The following AOPEP variants were observed in gnomAD, a reference collection of about 807,000 sequenced individuals.
AOPEP encodes the protein aminopeptidase O (putative).
Under a neutral mutation model 98.1 loss-of-function variants are expected in AOPEP, and 77 were observed. The observed-to-expected ratio is 0.78, with a 90% CI of 0.65 to 0.95. The LOEUF (loss-of-function observed/expected upper bound fraction) is 0.95. Among genes scored for constraint, AOPEP ranks in the 40% least tolerant of loss-of-function variants. The pLI is 0.00. For missense variants in AOPEP, 1,024 were observed against 1,024.7 expected (o/e 1.00, Z 0.01); for synonymous variants, 346 against 365.3 (o/e 0.95, Z 0.60).
intron 13 of AOPEP, among the ~76,000 whole-genome samples, chr9:95,035,776 C>T (rs1451530053): frequency 1.3e-5 from 2 of 152,036 alleles, no homozygotes; most frequent in African/African-American, 4.8e-5. Context: ...CCGCCTCAGC[C>T]TCCCAAAGTG....
At chr9:94,952,975 A>T (rs1219090458) in intron 7 of AOPEP, among the ~76,000 whole-genome samples, 2 of 152,232 alleles carry the variant, frequency 1.3e-5, no homozygotes, top group African/African-American at 4.8e-5. Context: ...GGAACCTGGA[A>T]GCCAGCCTTC....
Position 94,760,246 on chromosome 9 carries a change from A to C in AOPEP, c.463A>C (p.Lys155Gln), listed in dbSNP as rs1336746094. ...GGACTGCTGTGATTTATCTGTGTTA[A>C]AAGTCGAGGAGGTGGATGTTGCTGC... ...VLDCCDLSVL[K>Q]VEEVDVAAVP... The change falls in exon 2 of 17, where the codon AAA (lysine) becomes CAA (glutamine). Residue 155 changes from lysine to glutamine, a missense_variant. Coordinates refer to ENST00000375315, the MANE Select transcript of AOPEP (RefSeq NM_001193329.3). The C allele has an allele frequency of 6.2e-7, 1 of 1,614,136 alleles. No homozygotes were observed. Among genetic ancestry groups the C allele is most frequent in the South Asian group, 1.1e-5 (1 of 91,078 alleles).
intron 11 of AOPEP, among the ~76,000 whole-genome samples, chr9:94,988,209 A>G (rs993325328): frequency 2.0e-5 from 3 of 152,186 alleles, no homozygotes; most frequent in African/African-American, 7.2e-5. Context: ...AGGAACGCCT[A>G]TATCCATGGG....
At chr9:95,063,084 C>T (rs932257273) in intron 14 of AOPEP, among the ~76,000 whole-genome samples, 3 of 152,180 alleles carry the variant, frequency 2.0e-5, no homozygotes, top group African/African-American at 4.8e-5. Flanking sequence ...GGCCTCAGGA[C>T]TATGGGCGGG....
intron 11 of AOPEP, among the ~76,000 whole-genome samples, chr9:94,983,026 T>G (rs113002689): frequency 0.046 from 6,841 of 149,998 alleles, 232 homozygotes; most frequent in African/African-American, 0.096. Flanking sequence ...TTTTGTTTTG[T>G]TTTTGTTTTT....
At chr9:95,079,471 G>A (rs141732435) in intron 14 of AOPEP, among the ~76,000 whole-genome samples, 2,931 of 152,356 alleles carry the variant, frequency 0.019, 43 homozygotes, top group Non-Finnish European at 0.029. Flanking sequence ...GCTGATGTTG[G>A]TTCAGTGATG....
the AOPEP span, among the ~76,000 whole-genome samples, chr9:95,106,775 A>G: frequency 6.6e-6 from 1 of 152,222 alleles, no homozygotes; most frequent in Non-Finnish European, 1.5e-5. Flanking sequence ...AAAGAAATGT[A>G]CGTAGGGGGA....
chr9:94,868,876 CTT>C (rs1382624176), intron 5 of AOPEP, among the ~76,000 whole-genome samples: 6 of 152,284 alleles, frequency 3.9e-5, no homozygotes, highest in Admixed American at 1.3e-4. Context: ...TATTTTAAAA[CTT>C]AATGTGGACA....
At chr9:94,796,595 A>C (rs1027934403) in intron 4 of AOPEP, among the ~76,000 whole-genome samples, 4 of 152,186 alleles carry the variant, frequency 2.6e-5, no homozygotes, top group Non-Finnish European at 4.4e-5. Flanking sequence ...GCTATACCAC[A>C]GGTTTTCATT....
intron 5 of AOPEP, among the ~76,000 whole-genome samples, chr9:94,802,094 C>A (rs149217437): frequency 1.8e-4 from 28 of 152,152 alleles, no homozygotes; most frequent in African/African-American, 6.8e-4. Context: ...AATGCAGGAA[C>A]TAGGATAATT....
chr9:94,923,979 T>C lies in AOPEP; in HGVS notation c.1365-7T>C. 2 of 1,398,766 alleles carry C rather than the reference T, an allele frequency of 1.4e-6. No individual in the cohort carries two copies. Among genetic ancestry groups the C allele is most frequent in the East Asian group, 2.9e-5 (1 of 34,734 alleles). 86.6% of individuals were successfully genotyped at this position (1,398,766 alleles called of 1,614,324 possible). The stretch of plus-strand genomic sequence containing the variant: ...ACTCTGTGCATTTTCTCCCCCATTA[T>C]CCACAGCCCACACATCATGTTCCTC... On this transcript the variant is annotated splice_region_variant and splice_polypyrimidine_tract_variant and intron_variant, in intron 5 of 16. Transcript: ENST00000375315.
chr9:94,991,695 C>G (rs2060902189), intron 11 of AOPEP, among the ~76,000 whole-genome samples: 1 of 152,196 alleles, frequency 6.6e-6, no homozygotes, highest in African/African-American at 2.4e-5. Flanking sequence ...TATTCTTTCA[C>G]AGATGCAGGA....
chr9:95,047,987 T>C (rs1240826805), intron 13 of AOPEP, among the ~76,000 whole-genome samples: 1 of 152,228 alleles, frequency 6.6e-6, no homozygotes. Context: ...GGTTTGTTGC[T>C]CTTTTATTCA....
chr9:95,085,581 C>T (rs747605306), intron 16 of AOPEP: 7 of 444,994 alleles, frequency 1.6e-5, no homozygotes, highest in East Asian at 6.1e-5. Context: ...GGGCAGAGGC[C>T]GTTGCTGACG....
chr9:95,006,407 A>C (rs2062024711), intron 13 of AOPEP, among the ~76,000 whole-genome samples: 1 of 152,126 alleles, frequency 6.6e-6, no homozygotes, highest in Non-Finnish European at 1.5e-5. Context: ...ATGATGAATC[A>C]CTCTTGATTC....
Position 95,005,536 on chromosome 9 carries a change from C to T in AOPEP, c.2041-6C>T, listed in dbSNP as rs759105329. ...TCTTTGAAATGCTGTGGTTTTTGAA[C>T]CTCAGGTCACGAAATGGATTGGAGT... On this transcript the variant is annotated splice_polypyrimidine_tract_variant and splice_region_variant and intron_variant, in intron 12 of 16. Transcript: ENST00000375315. 8 of 1,613,332 alleles carry T rather than the reference C, an allele frequency of 5.0e-6. No homozygotes were observed. The highest frequency in any genetic ancestry group is 4.4e-5 in the South Asian group (4 of 91,052).
intron 2 of AOPEP, among the ~76,000 whole-genome samples, chr9:94,762,612 T>G (rs1838610479): frequency 3.3e-5 from 5 of 152,338 alleles, no homozygotes; most frequent in Middle Eastern, 3.4e-3. Flanking sequence ...TATGTGTTAG[T>G]ATATTAATGC....
At chr9:94,988,314 C>T (rs967311129) in intron 11 of AOPEP, among the ~76,000 whole-genome samples, 4 of 152,054 alleles carry the variant, frequency 2.6e-5, no homozygotes, top group African/African-American at 9.7e-5. Context: ...GTTGGGAAGT[C>T]GGCAGGGAGA....
At chr9:94,776,776 A>G (rs1376902665) in intron 3 of AOPEP, among the ~76,000 whole-genome samples, 1 of 151,950 alleles carries the variant, frequency 6.6e-6, no homozygotes, top group Non-Finnish European at 1.5e-5. Context: ...TGGGACTCAC[A>G]TTTTCTCTAT....
Sources: gnomAD v4.1 joint callset for allele counts (sites outside exome capture counted in the v4.1 genomes callset) on GRCh38, gnomAD v4.1.1 for gene constraint, MANE v1.5 for transcripts, NCBI Gene and HGNC (gene_info 2026-07-23, HGNC 2026-07-21) for gene names.